The following THADA variants were observed in gnomAD, a reference collection of about 807,000 sequenced individuals.
THADA encodes tRNA (32-2'-O)-methyltransferase regulator THADA.
A neutral mutation model predicts 219.8 loss-of-function variants in THADA; 213 were observed. The ratio of observed to expected loss-of-function variants is 0.97; its 90% CI spans 0.87 to 1.09. The LOEUF is 1.09. THADA is among the 50% of genes least tolerant of loss of function. The pLI is 0.00. For synonymous variants in THADA, 1,018 were observed against 828.9 expected (o/e 1.23, Z -3.92); for missense variants, 2,956 against 2,311.3 (o/e 1.28, Z -5.72).
chr2:43,535,044 T>A (rs1244222804), intron 21 of THADA, among the ~76,000 whole-genome samples: 1 of 152,152 alleles, frequency 6.6e-6, no homozygotes, highest in African/African-American at 2.4e-5. Flanking sequence ...CCATCCTAAC[T>A]GGAATGAAAT....
chr2:43,297,631 G>A (rs1465997220), intron 31 of THADA, among the ~76,000 whole-genome samples: 3 of 98,436 alleles, frequency 3.0e-5, no homozygotes, highest in East Asian at 2.5e-4. Context: ...CAGCCCCCCC[G>A]TCCGGGAGGT....
At chr2:43,323,693 A>G (rs183295362) in intron 30 of THADA, among the ~76,000 whole-genome samples, 2 of 152,332 alleles carry the variant, frequency 1.3e-5, no homozygotes, top group Admixed American at 1.3e-4. Context: ...AACAAAGACA[A>G]ACTTCAGAAT....
At chr2:43,549,001 G>C (rs529331556) in intron 20 of THADA, among the ~76,000 whole-genome samples, 1 of 152,054 alleles carries the variant, frequency 6.6e-6, no homozygotes, top group African/African-American at 2.4e-5. Context: ...GTTCCTATTC[G>C]GCCATCTTGG....
intron 24 of THADA, among the ~76,000 whole-genome samples, chr2:43,499,684 A>T (rs1301383194): frequency 6.6e-6 from 1 of 152,124 alleles, no homozygotes; most frequent in African/African-American, 2.4e-5. Flanking sequence ...GCCTAAAAAA[A>T]TGCTTAAAAT....
At chr2:43,291,988 T>C in intron 33 of THADA, 116 bp downstream of exon 33, 3 of 784,758 alleles carry the variant, frequency 3.8e-6, no homozygotes, top group Non-Finnish European at 6.1e-6. Context: ...GGCTGAGGTT[T>C]AGAATGAAAT....
Position 43,232,337 on chromosome 2 carries a change from C to T in THADA, c.5466+376G>A, listed in dbSNP as rs1368486884. On this transcript the variant is annotated intron_variant, in intron 37 of 37. Transcript: ENST00000405975. ...GGGACTACAGGCACCCACCACCATG[C>T]CCGGCTAATTTTTTGTATTTTTAGT... 2.0e-5 allele frequency among the ~76,000 whole-genome samples: 3 copies of T among 152,216 alleles called. No homozygotes were observed. The East Asian group carries it at 5.8e-4, about 29-fold the overall frequency.
chr2:43,445,860 T>A (rs746704109), intron 26 of THADA, among the ~76,000 whole-genome samples: 1 of 152,148 alleles, frequency 6.6e-6, no homozygotes, highest in Non-Finnish European at 1.5e-5. Flanking sequence ...GTTTTTCTAA[T>A]CCTTCCCTTT....
chr2:43,440,920 C>G (rs1409708463), intron 26 of THADA, among the ~76,000 whole-genome samples: 2 of 152,158 alleles, frequency 1.3e-5, no homozygotes, highest in South Asian at 2.1e-4. Flanking sequence ...TTGTCCCAAA[C>G]AGCAAGCTAT....
At chr2:43,330,498 C>A (rs924778962) in intron 30 of THADA, among the ~76,000 whole-genome samples, 2 of 152,154 alleles carry the variant, frequency 1.3e-5, no homozygotes, top group Admixed American at 6.5e-5. Flanking sequence ...TGTATCAGGG[C>A]TGAGCAGCTT....
At chr2:43,344,360 G>C (rs1667395257) in intron 29 of THADA, 123 bp from the exon 30 acceptor site, 1 of 642,876 alleles carries the variant, frequency 1.6e-6, no homozygotes, top group African/African-American at 1.8e-5. Context: ...GCAGAATGTA[G>C]CTCTGGTCTC....
At chr2:43,523,254 T>A (rs977543775) in intron 22 of THADA, among the ~76,000 whole-genome samples, 2 of 151,904 alleles carry the variant, frequency 1.3e-5, no homozygotes, top group Admixed American at 1.3e-4. Context: ...AAGTCCTAGC[T>A]ACTTGGGAGG....
intron 30 of THADA, among the ~76,000 whole-genome samples, chr2:43,334,237 A>G (rs778115950): frequency 2.7e-4 from 41 of 152,274 alleles, no homozygotes; most frequent in Middle Eastern, 3.4e-3. Context: ...GGGAGGAGAC[A>G]GGAAAGTGAC....
chr2:43,586,475 A>T, intron 6 of THADA, 26 bp from the exon 7 acceptor site: 1 of 1,525,462 alleles, frequency 6.6e-7, no homozygotes, highest in Non-Finnish European at 8.8e-7. Flanking sequence ...TATGACAAAT[A>T]AGAATTTAAA....
chr2:43,355,401 T>C (rs1668765804), intron 29 of THADA, among the ~76,000 whole-genome samples: 1 of 152,232 alleles, frequency 6.6e-6, no homozygotes, highest in Non-Finnish European at 1.5e-5. Flanking sequence ...CACTCATTAT[T>C]GCCGGTGTCT....
chr2:43,534,664 G>A (rs779490708), intron 21 of THADA, among the ~76,000 whole-genome samples: 2 of 152,132 alleles, frequency 1.3e-5, no homozygotes, highest in Non-Finnish European at 2.9e-5. Flanking sequence ...TATTATGGCT[G>A]AATAGTATTC....
chr2:43,444,820 T>G (rs1244040704), intron 26 of THADA, among the ~76,000 whole-genome samples: 1 of 151,924 alleles, frequency 6.6e-6, no homozygotes, highest in Non-Finnish European at 1.5e-5. Context: ...AACAGAGTAA[T>G]GTACAGAGGT....
At chr2:43,237,510 G>A (rs1210321486) in intron 36 of THADA, among the ~76,000 whole-genome samples, 1 of 149,172 alleles carries the variant, frequency 6.7e-6, no homozygotes, top group Non-Finnish European at 1.5e-5. Flanking sequence ...CAATTCTCCT[G>A]CCTCAGCCTC....
chr2:43,502,783 T>C (rs887417870), intron 24 of THADA, among the ~76,000 whole-genome samples: 6 of 151,732 alleles, frequency 4.0e-5, no homozygotes, highest in Non-Finnish European at 8.8e-5. Flanking sequence ...GAAAACATAG[T>C]TTGGGAGAAT....
chr2:43,290,595 T>G (rs1674580270), intron 34 of THADA, among the ~76,000 whole-genome samples: 1 of 152,162 alleles, frequency 6.6e-6, no homozygotes, highest in Non-Finnish European at 1.5e-5. Flanking sequence ...GCATTTAATG[T>G]AATTATCTAA....
Sources: allele counts gnomAD v4.1 joint callset (sites outside exome capture counted in the v4.1 genomes callset), GRCh38; gene constraint gnomAD v4.1.1; transcripts MANE v1.5; gene names NCBI Gene and HGNC (gene_info 2026-07-23, HGNC 2026-07-21).